Variants in HS3ST4 observed in about 807,000 individuals in gnomAD.
HS3ST4 encodes the protein heparan sulfate-glucosamine 3-sulfotransferase 4.
Under a neutral mutation model 29.2 loss-of-function variants are expected in HS3ST4, and 17 were observed. The observed-to-expected ratio is 0.58, with a 90% CI of 0.40 to 0.87. The LOEUF (loss-of-function observed/expected upper bound fraction) is 0.87, where lower values mean the gene tolerates loss of function less well. HS3ST4 is among the 40% of genes least tolerant of loss of function. The pLI is 0.00. For synonymous variants in HS3ST4, 314 were observed against 285.7 expected (o/e 1.10, Z -1.00); for missense variants, 627 against 634.5 (o/e 0.99, Z 0.13).
chr16:26,099,808 C>T (rs562163016), intron 1 of HS3ST4, among the ~76,000 whole-genome samples: 1 of 152,258 alleles, frequency 6.6e-6, no homozygotes, highest in African/African-American at 2.4e-5. Flanking sequence ...CATGCACACA[C>T]ACACGCACAC....
intron 1 of HS3ST4, among the ~76,000 whole-genome samples, chr16:26,109,059 G>A (rs547444139): frequency 6.6e-6 from 1 of 152,264 alleles, no homozygotes; most frequent in South Asian, 2.1e-4. Context: ...CCTAAATTAA[G>A]TGTGGGATGA....
chr16:25,765,892 GCTGA>G (rs1966815728), intron 1 of HS3ST4, among the ~76,000 whole-genome samples: 1 of 152,130 alleles, frequency 6.6e-6, no homozygotes, highest in African/African-American at 2.4e-5. Context: ...TTGGACCGTG[GCTGA>G]CTTGCCAGCG....
At chr16:25,749,670 T>G (rs537276692) in intron 1 of HS3ST4, among the ~76,000 whole-genome samples, 1 of 152,316 alleles carries the variant, frequency 6.6e-6, no homozygotes, top group South Asian at 2.1e-4. Context: ...GTTTCCCATT[T>G]GTAAAAGGGA....
chr16:26,133,240 G>A (rs555262851), intron 1 of HS3ST4, among the ~76,000 whole-genome samples: 3 of 152,180 alleles, frequency 2.0e-5, no homozygotes, highest in Admixed American at 2.0e-4. Context: ...ATGATCCCAA[G>A]TGATTTACCT....
At chr16:25,735,222 A>T (rs1966599371) in intron 1 of HS3ST4, among the ~76,000 whole-genome samples, 1 of 152,196 alleles carries the variant, frequency 6.6e-6, no homozygotes, top group South Asian at 2.1e-4. Flanking sequence ...GGACTCTGAC[A>T]TCATGCTTCC....
In HS3ST4 at chr16:25,829,052, A is replaced by T. The variant is rs542018377; in HGVS notation, c.734+135901A>T. Reference sequence around the variant, plus strand: ...GACCAAGAAGTGACAGACAGAGGCAATCACGTTATCTTTATTACTGACCAA... The same window carrying T: ...GACCAAGAAGTGACAGACAGAGGCATTCACGTTATCTTTATTACTGACCAA... On this transcript the variant is annotated intron_variant, in intron 1 of 1. Transcript: ENST00000331351. Among the ~76,000 whole-genome samples, 3 of 152,232 alleles carry T rather than the reference A, an allele frequency of 2.0e-5. No homozygotes were observed. The East Asian group carries it at 5.8e-4, about 29-fold the overall frequency.
chr16:25,953,502 G>A (rs1202458157), intron 1 of HS3ST4, among the ~76,000 whole-genome samples: 3 of 152,150 alleles, frequency 2.0e-5, no homozygotes, highest in Non-Finnish European at 2.9e-5. Flanking sequence ...GCCCAATAGG[G>A]TGTAAGCAAA....
intron 1 of HS3ST4, among the ~76,000 whole-genome samples, chr16:26,002,271 G>T (rs1185848463): frequency 6.6e-6 from 1 of 152,146 alleles, no homozygotes; most frequent in African/African-American, 2.4e-5. Context: ...TTTGGGAATG[G>T]CTGGTATTAC....
At chr16:25,887,761 T>C (rs1449323765) in intron 1 of HS3ST4, among the ~76,000 whole-genome samples, 3 of 146,468 alleles carry the variant, frequency 2.0e-5, no homozygotes, top group African/African-American at 7.7e-5. Context: ...GCAGTGGTGC[T>C]ATCTCGGCTC....
chr16:25,909,114 C>T (rs957599311), intron 1 of HS3ST4, among the ~76,000 whole-genome samples: 5 of 152,186 alleles, frequency 3.3e-5, no homozygotes, highest in Non-Finnish European at 7.3e-5. Context: ...GCACACTAGT[C>T]GCCTAGGGAT....
intron 1 of HS3ST4, among the ~76,000 whole-genome samples, chr16:25,781,463 G>A (rs531216478): frequency 5.3e-5 from 8 of 152,180 alleles, no homozygotes; most frequent in African/African-American, 1.9e-4. Flanking sequence ...TCTTTCTACC[G>A]AGGTTTCGAT....
At chr16:25,749,386 T>C (rs1966704533) in intron 1 of HS3ST4, among the ~76,000 whole-genome samples, 1 of 152,068 alleles carries the variant, frequency 6.6e-6, no homozygotes, top group Non-Finnish European at 1.5e-5. Flanking sequence ...TTCCAGCTAC[T>C]TGGGAGGCTG....
intron 1 of HS3ST4, among the ~76,000 whole-genome samples, chr16:25,700,427 A>G (rs1966327194): frequency 6.6e-6 from 1 of 152,194 alleles, no homozygotes; most frequent in Non-Finnish European, 1.5e-5. Flanking sequence ...ATTGCTCCCC[A>G]AGACCCTACG....
chr16:25,876,731 A>G (rs1179552030), intron 1 of HS3ST4, among the ~76,000 whole-genome samples: 9 of 152,074 alleles, frequency 5.9e-5, no homozygotes, highest in African/African-American at 1.9e-4. Context: ...AAGAGGAAGG[A>G]TGAACCCTGG....
chr16:26,116,380 G>C (rs1044158226), intron 1 of HS3ST4, among the ~76,000 whole-genome samples: 1 of 152,210 alleles, frequency 6.6e-6, no homozygotes, highest in African/African-American at 2.4e-5. Context: ...TTGATTCAAA[G>C]CAAGTCCCTG....
intron 1 of HS3ST4, among the ~76,000 whole-genome samples, chr16:25,999,897 T>TTATATATATTATA (rs1555477425): frequency 2.3e-5 from 3 of 131,882 alleles, no homozygotes; most frequent in African/African-American, 8.6e-5. Context: ...TATATATATT[T>TTATATATATTATA]TATATATATA....
intron 1 of HS3ST4, among the ~76,000 whole-genome samples, chr16:25,835,672 G>C (rs13335690): frequency 6.6e-6 from 1 of 152,212 alleles, no homozygotes; most frequent in South Asian, 2.1e-4. Context: ...AAGTGGAGAA[G>C]TCAGAAGTCA....
chr16:25,776,253 A>G (rs971349954), intron 1 of HS3ST4, among the ~76,000 whole-genome samples: 1 of 152,166 alleles, frequency 6.6e-6, no homozygotes, highest in Admixed American at 6.5e-5. Flanking sequence ...TGGGCCCCAG[A>G]ATCACTAAGT....
chr16:26,033,295 C>G (rs1343420269), intron 1 of HS3ST4, among the ~76,000 whole-genome samples: 1 of 151,950 alleles, frequency 6.6e-6, no homozygotes, highest in East Asian at 1.9e-4. Context: ...GCAGGCAGAT[C>G]ACCTGAGGTC....
Sources: gnomAD v4.1 joint callset for allele counts (sites outside exome capture counted in the v4.1 genomes callset) on GRCh38, gnomAD v4.1.1 for gene constraint, MANE v1.5 for transcripts, NCBI Gene and HGNC (gene_info 2026-07-23, HGNC 2026-07-21) for gene names.